The following AUTS2 variants were observed in gnomAD, a reference collection of about 807,000 sequenced individuals.
AUTS2 encodes activator of transcription and developmental regulator AUTS2.
A neutral mutation model predicts 112.4 loss-of-function variants in AUTS2; 17 were observed. The observed-to-expected ratio is 0.15, with a 90% CI of 0.10 to 0.23. AUTS2 has a LOEUF of 0.23. Ranked by LOEUF, AUTS2 falls within the 10% of genes least tolerant of loss-of-function variation. The pLI, the probability that AUTS2 is intolerant of heterozygous loss-of-function variation, is 1.00. For missense variants in AUTS2, 1,510 were observed against 1,701.6 expected, an observed-to-expected ratio of 0.89 and a Z score of 1.98; for synonymous variants, 751 against 702.7, an observed-to-expected ratio of 1.07 and a Z score of -1.09.
intron 6 of AUTS2, among the ~76,000 whole-genome samples, chr7:70,722,852 A>G (rs1050852715): frequency 1.3e-5 from 2 of 152,194 alleles, no homozygotes; most frequent in African/African-American, 4.8e-5. Flanking sequence ...GGAGCCTCGC[A>G]GTGTCAGACA....
intron 2 of AUTS2, among the ~76,000 whole-genome samples, chr7:69,916,715 T>C (rs943172785): frequency 6.6e-6 from 1 of 152,164 alleles, no homozygotes; most frequent in Non-Finnish European, 1.5e-5. Flanking sequence ...CATTCTTACA[T>C]CCTATAGATT....
chr7:70,695,481 G>T (rs1809034314), intron 5 of AUTS2, among the ~76,000 whole-genome samples: 1 of 152,216 alleles, frequency 6.6e-6, no homozygotes, highest in Non-Finnish European at 1.5e-5. Context: ...GGAGATCTGG[G>T]CTCGGGTTCG....
chr7:70,414,713 G>A (rs1426834708), intron 4 of AUTS2, among the ~76,000 whole-genome samples: 1 of 152,178 alleles, frequency 6.6e-6, no homozygotes, highest in Non-Finnish European at 1.5e-5. Context: ...GAAAAGGCCT[G>A]TCAGTTACTG....
At chr7:70,316,117 AG>A (rs1245834885) in intron 4 of AUTS2, among the ~76,000 whole-genome samples, 1 of 152,258 alleles carries the variant, frequency 6.6e-6, no homozygotes, top group Non-Finnish European at 1.5e-5. Flanking sequence ...AAGTGTAGTA[AG>A]TCATAATGTA....
intron 1 of AUTS2, among the ~76,000 whole-genome samples, chr7:69,797,990 C>G (rs760335538): frequency 4.9e-4 from 74 of 152,122 alleles, no homozygotes; most frequent in Middle Eastern, 6.8e-3. Flanking sequence ...GCACCTGGGA[C>G]TTCTTGGTCA....
intron 1 of AUTS2, among the ~76,000 whole-genome samples, chr7:69,876,476 T>C (rs1451466810): frequency 1.4e-5 from 1 of 71,474 alleles, no homozygotes; most frequent in African/African-American, 5.8e-5. Context: ...ATACATAAAA[T>C]ATTTTGTGTA....
chr7:70,168,937 A>G (rs1808525109), intron 4 of AUTS2, among the ~76,000 whole-genome samples: 1 of 152,074 alleles, frequency 6.6e-6, no homozygotes, highest in Admixed American at 6.6e-5. Flanking sequence ...CCAGAATGCT[A>G]GGTATTCTCT....
intron 1 of AUTS2, among the ~76,000 whole-genome samples, chr7:69,750,299 G>A (rs1163628525): frequency 2.0e-5 from 3 of 151,702 alleles, no homozygotes; most frequent in Middle Eastern, 3.4e-3. Context: ...AGGGAATGCT[G>A]ACAAATATTG....
chr7:70,667,857 A>G (rs887248027), intron 5 of AUTS2, among the ~76,000 whole-genome samples: 1 of 152,264 alleles, frequency 6.6e-6, no homozygotes, highest in African/African-American at 2.4e-5. Context: ...ATGTGCCACC[A>G]TTGCGGTCTT....
At chr7:70,537,643 C>G (rs1800376351) in intron 5 of AUTS2, among the ~76,000 whole-genome samples, 1 of 152,158 alleles carries the variant, frequency 6.6e-6, no homozygotes, top group Non-Finnish European at 1.5e-5. Flanking sequence ...TCATGCTTAA[C>G]CCTTAAGTGA....
chr7:70,698,206 C>T (rs761614563), intron 5 of AUTS2, among the ~76,000 whole-genome samples: 2 of 152,116 alleles, frequency 1.3e-5, no homozygotes, highest in Non-Finnish European at 2.9e-5. Context: ...GGCATGTCTG[C>T]AAATACCACG....
chr7:69,607,779 T>A (rs1020696507), intron 1 of AUTS2, among the ~76,000 whole-genome samples: 144 of 152,164 alleles, frequency 9.5e-4, no homozygotes, highest in Non-Finnish European at 1.9e-4. Context: ...GCCCACAGTT[T>A]GTAAGTAATG....
chr7:70,079,119 C>G (rs758605701), intron 2 of AUTS2, among the ~76,000 whole-genome samples: 6 of 152,088 alleles, frequency 3.9e-5, no homozygotes, highest in Non-Finnish European at 8.8e-5. Flanking sequence ...CATAAGTGAC[C>G]TTGTGGACTG....
At chr7:70,356,632 C>A (rs1792023928) in intron 4 of AUTS2, among the ~76,000 whole-genome samples, 1 of 152,168 alleles carries the variant, frequency 6.6e-6, no homozygotes. Context: ...GGTATTATTG[C>A]AAATGCAGTG....
At chr7:69,966,944 C>A (rs1797655887) in intron 2 of AUTS2, among the ~76,000 whole-genome samples, 1 of 152,182 alleles carries the variant, frequency 6.6e-6, no homozygotes, top group African/African-American at 2.4e-5. Context: ...GTACTAGGAG[C>A]TGTTCTGTCA....
At chr7:70,324,008 G>A (rs185671092) in intron 4 of AUTS2, among the ~76,000 whole-genome samples, 7 of 152,290 alleles carry the variant, frequency 4.6e-5, no homozygotes, top group South Asian at 4.1e-4. Context: ...CATGCAGTGG[G>A]AGGACAGGCG....
At chr7:70,585,926 G>A (rs1026126294) in intron 5 of AUTS2, among the ~76,000 whole-genome samples, 3 of 151,872 alleles carry the variant, frequency 2.0e-5, no homozygotes, top group East Asian at 1.9e-4. Flanking sequence ...GCAACGGCGC[G>A]ATCTCGGCTC....
At chr7:69,885,480 G>A (rs1222998557) in intron 1 of AUTS2, among the ~76,000 whole-genome samples, 4 of 152,132 alleles carry the variant, frequency 2.6e-5, no homozygotes, top group African/African-American at 7.2e-5. Context: ...ATTACACTTC[G>A]GTGGGGAAGT....
At chr7:69,983,057 A>G (rs1168874321) in intron 2 of AUTS2, among the ~76,000 whole-genome samples, 1 of 152,212 alleles carries the variant, frequency 6.6e-6, no homozygotes, top group East Asian at 1.9e-4. Context: ...CCGGAAACTA[A>G]TGGCGTAACC....
Sources: gnomAD v4.1 joint callset for allele counts (sites outside exome capture counted in the v4.1 genomes callset) on GRCh38, gnomAD v4.1.1 for gene constraint, MANE v1.5 for transcripts, NCBI Gene and HGNC (gene_info 2026-07-23, HGNC 2026-07-21) for gene names.